The following LHCGR variants were observed in gnomAD, a reference collection of about 807,000 sequenced individuals.
The protein encoded by LHCGR is luteinizing hormone/choriogonadotropin receptor.
Under a neutral mutation model 60.7 loss-of-function variants are expected in LHCGR, and 55 were observed. The ratio of observed to expected loss-of-function variants is 0.91; its 90% CI spans 0.73 to 1.13. The LOEUF (loss-of-function observed/expected upper bound fraction) is 1.13, where lower values mean the gene tolerates loss of function less well. Among genes scored for constraint, LHCGR ranks in the 50% most tolerant of loss-of-function variants. The pLI, the probability that LHCGR is intolerant of heterozygous loss-of-function variation, is 0.00. For missense variants in LHCGR, 862 were observed against 836.0 expected (o/e 1.03, Z -0.38); for synonymous variants, 337 against 316.5 (o/e 1.06, Z -0.69).
At chr2:48,728,445 G>A (rs942354508) in intron 3 of LHCGR, among the ~76,000 whole-genome samples, 4 of 152,252 alleles carry the variant, frequency 2.6e-5, no homozygotes, top group African/African-American at 9.6e-5. Flanking sequence ...TCAGGTTTGC[G>A]CCTGAGTAAA....
Position 48,703,099 on chromosome 2 carries a change from G to A in LHCGR, c.681-4299C>T, listed in dbSNP as rs1259719086. ...TGAGAAGTGTCTGTTCATATCCTTC[G>A]CCCATTTTTTGATGGGTTTGTTTGT... On this transcript the variant is annotated intron_variant, in intron 8 of 10. Transcript: ENST00000294954. 5.9e-5 allele frequency among the ~76,000 whole-genome samples: 9 copies of A among 152,078 alleles called. No individual in the cohort carries two copies. In the South Asian group the frequency reaches 6.2e-4, roughly 11 times the overall value.
Position 48,755,567 on chromosome 2 carries a change from G to A in LHCGR, c.105C>T (p.Asn35=). The change falls in exon 1 of 11, where the codon AAC becomes AAT. Residue 35 remains asparagine (N), a synonymous_variant. Coordinates refer to ENST00000294954, the MANE Select transcript of LHCGR (RefSeq NM_000233.4). ...AGCGCAGGGCGCCGTCGGGCACGCA[G>A]TTGCAGGGCTCAGGGCAGAGCGCCT... ...LREALCPEPC[N]CVPDGALRCP... 1.9e-6 allele frequency: 3 copies of A among 1,540,728 alleles called. No individual in the cohort carries two copies. The highest frequency in any genetic ancestry group is 2.6e-6 in the Non-Finnish European group (3 of 1,145,350).
chr2:48,688,416 T>G lies in LHCGR; in HGVS notation c.1381A>C (p.Thr461Pro). Residue 461 changes from threonine to proline, a missense_variant, in exon 11 of 11, where the codon ACT becomes CCT. Coordinates refer to ENST00000294954, the MANE Select transcript of LHCGR (RefSeq NM_000233.4). The surrounding 1 kb of genome is among the most constrained non-coding windows in gnomAD (Gnocchi z 5.2). ...ELSVYTLTVI[T>P]LERWHTITYA... ...GTGATGGTGTGCCATCTTTCTAGAG[T>G]GATGACGGTGAGGGTGTAGACAGAA... is the stretch of plus-strand genomic sequence containing the variant. 6.2e-7 allele frequency: 1 copy of G among 1,613,962 alleles called. No individual in the cohort carries two copies. The highest frequency in any genetic ancestry group is 2.2e-5 in the East Asian group (1 of 44,886).
At chr2:48,703,506 C>T (rs1339325973) in intron 8 of LHCGR, among the ~76,000 whole-genome samples, 1 of 152,136 alleles carries the variant, frequency 6.6e-6, no homozygotes, top group Non-Finnish European at 1.5e-5. Flanking sequence ...AGCGAGTTTT[C>T]CTGACACCAT....
chr2:48,714,116 C>T (rs1668124662), intron 6 of LHCGR, 62 bp from the exon 7 acceptor site: 3 of 1,178,772 alleles, frequency 2.5e-6, no homozygotes, highest in Non-Finnish European at 2.5e-6. Context: ...TTTGGAAACA[C>T]ATTTTTCCTC....
chr2:48,753,619 A>T (rs1572902484), intron 1 of LHCGR, among the ~76,000 whole-genome samples: 1 of 152,116 alleles, frequency 6.6e-6, no homozygotes, highest in East Asian at 1.9e-4. Flanking sequence ...AGAAAGTGGG[A>T]TTTTTAAAAA....
intron 8 of LHCGR, among the ~76,000 whole-genome samples, chr2:48,701,486 C>G (rs897188982): frequency 6.6e-6 from 1 of 152,156 alleles, no homozygotes; most frequent in Non-Finnish European, 1.5e-5. Flanking sequence ...CCTCCTGGAA[C>G]ACTTTTCCTG....
chr2:48,729,327 C>T (rs1668883501), intron 2 of LHCGR, 100 bp from the exon 3 acceptor site: 2 of 871,860 alleles, frequency 2.3e-6, no homozygotes, highest in South Asian at 1.3e-5. Context: ...ACTGGGGACA[C>T]CACTGTGTCC....
At chr2:48,729,370 C>A (rs1668885979) in intron 2 of LHCGR, 143 bp from the exon 3 acceptor site, 3 of 715,192 alleles carry the variant, frequency 4.2e-6, no homozygotes, top group Admixed American at 2.0e-5. Flanking sequence ...CAAGTTGTCC[C>A]CAAATCATAC....
intron 6 of LHCGR, among the ~76,000 whole-genome samples, chr2:48,722,412 T>C (rs1668539860): frequency 6.6e-6 from 1 of 152,246 alleles, no homozygotes; most frequent in Non-Finnish European, 1.5e-5. Context: ...TTTAGATCTG[T>C]GTTTCCACAA....
intron 1 of LHCGR, chr2:48,733,057 T>C (rs1669068587): frequency 4.0e-6 from 2 of 501,864 alleles, no homozygotes; most frequent in Admixed American, 2.1e-5. Context: ...CACAGTTTTA[T>C]TGCTCTCTGC....
In LHCGR at chr2:48,687,093, G is replaced by C. The variant is rs902391409; in HGVS notation, c.*604C>G. 1 of 152,550 alleles carries C rather than the reference G, an allele frequency of 6.6e-6. No individual in the cohort carries two copies. Among genetic ancestry groups the C allele is most frequent in the Non-Finnish European group, 1.5e-5 (1 of 68,320 alleles). 9.4% of individuals were successfully genotyped at this position (152,550 alleles called of 1,614,324 possible). Reference sequence around the variant, plus strand: ...AGATAAAAGTCTCTATAATAGAACAGATAGAACTTTCTGTGGTGATGAAAA... The same window carrying C: ...AGATAAAAGTCTCTATAATAGAACACATAGAACTTTCTGTGGTGATGAAAA... On this transcript the variant is annotated 3_prime_UTR_variant, in exon 11 of 11. Coordinates refer to ENST00000294954, the MANE Select transcript of LHCGR (RefSeq NM_000233.4).
At position 48,687,897 on chromosome 2, in the gene LHCGR, A is replaced by G. The variant is rs1679979418; in HGVS notation, c.1900T>C (p.Phe634Leu). The G allele has an allele frequency of 6.2e-7, 1 of 1,614,164 alleles. No individual in the cohort carries two copies. Among genetic ancestry groups the G allele is most frequent in the Non-Finnish European group, 8.5e-7 (1 of 1,180,020 alleles). ...CCAAATTTGCTCAGCAAAAGAAAGAAATCTCTTTGGAATGTCTTAGTGAAT... is the reference window on the plus strand; with the variant it reads ...CCAAATTTGCTCAGCAAAAGAAAGAGATCTCTTTGGAATGTCTTAGTGAAT... ...AIFTKTFQRDFFLLLSKFGCC... is the reference protein window; with the variant it reads ...AIFTKTFQRDLFLLLSKFGCC... The change falls in exon 11 of 11, where the codon TTC (phenylalanine) becomes CTC (leucine). Residue 634 changes from phenylalanine (F) to leucine (L), a missense_variant. Coordinates refer to ENST00000294954, the MANE Select transcript of LHCGR (RefSeq NM_000233.4).
chr2:48,754,606 C>A (rs1238040370), intron 1 of LHCGR, among the ~76,000 whole-genome samples: 5 of 152,124 alleles, frequency 3.3e-5, no homozygotes, highest in Non-Finnish European at 5.9e-5. Flanking sequence ...CCCCCCCGCC[C>A]CAAGCCCATA....
At chr2:48,752,981 C>CGGGGGGGGGGGGGGGGGGG (rs60837194) in intron 1 of LHCGR, among the ~76,000 whole-genome samples, 80 of 7,460 alleles carry the variant, frequency 0.011, 1 homozygote, top group Non-Finnish European at 0.014. Context: ...CGGATTTTGG[C>CGGGGGGGGGGGGGGGGGGG]GGGGGGGGGG....
intron 6 of LHCGR, among the ~76,000 whole-genome samples, chr2:48,714,763 A>C (rs1017913998): frequency 1.3e-5 from 2 of 152,154 alleles, no homozygotes; most frequent in Non-Finnish European, 2.9e-5. Flanking sequence ...AAACACACAC[A>C]CATACATGTA....
chr2:48,713,811 G>A (rs1668109436), intron 7 of LHCGR, among the ~76,000 whole-genome samples, 175 bp downstream of exon 7: 1 of 152,152 alleles, frequency 6.6e-6, no homozygotes, highest in African/African-American at 2.4e-5. Context: ...TGAAATCAGG[G>A]TGCTCTGGGG....
chr2:48,740,560 A>T (rs1026617085), intron 1 of LHCGR, among the ~76,000 whole-genome samples: 11 of 152,120 alleles, frequency 7.2e-5, no homozygotes, highest in African/African-American at 2.7e-4. Flanking sequence ...CCTAACTGGG[A>T]GGCACCCCCC....
intron 1 of LHCGR, among the ~76,000 whole-genome samples, chr2:48,749,611 C>T (rs555736807): frequency 3.3e-5 from 5 of 151,112 alleles, no homozygotes; most frequent in African/African-American, 1.2e-4. Context: ...TTTGTTGCCT[C>T]ATTTCAAGAC....
Sources: allele counts gnomAD v4.1 joint callset (sites outside exome capture counted in the v4.1 genomes callset), GRCh38; gene constraint gnomAD v4.1.1; non-coding constraint Gnocchi (gnomAD v3.1); transcripts MANE v1.5; gene names NCBI Gene and HGNC (gene_info 2026-07-23, HGNC 2026-07-21).